Variants in ROBO2 observed in about 807,000 individuals in gnomAD.
The protein encoded by ROBO2 is roundabout guidance receptor 2, also known as roundabout homolog 2.
Under a neutral mutation model 160.8 loss-of-function variants are expected in ROBO2, and 53 were observed. The ratio of observed to expected loss-of-function variants is 0.33; its 90% CI spans 0.26 to 0.41. The LOEUF is 0.41. ROBO2 is among the 10% of genes least tolerant of loss of function. The pLI is 1.00. For synonymous variants in ROBO2, 664 were observed against 611.7 expected (o/e 1.09, Z -1.26); for missense variants, 1,577 against 1,722.4 (o/e 0.92, Z 1.49).
At chr3:77,638,355 C>A (rs1043439489) in intron 24 of ROBO2, among the ~76,000 whole-genome samples, 2 of 152,104 alleles carry the variant, frequency 1.3e-5, no homozygotes, top group African/African-American at 4.8e-5. Flanking sequence ...AGATGTAGGC[C>A]TTTTTAGCAC....
chr3:76,944,980 C>A (rs958247124), intron 2 of ROBO2, among the ~76,000 whole-genome samples: 1 of 151,978 alleles, frequency 6.6e-6, no homozygotes, highest in Non-Finnish European at 1.5e-5. Context: ...ACTCTGCCTC[C>A]CGGGTTCACG....
In ROBO2 at chr3:77,166,115, A is replaced by G. The variant is rs141926657; in HGVS notation, c.388+67775A>G. Among the ~76,000 whole-genome samples the G allele has an allele frequency of 3.4e-3, 524 of 152,222 alleles. 2 individuals are homozygous for G. Among genetic ancestry groups the G allele is most frequent in the South Asian group, 0.011 (53 of 4,816 alleles). Reference sequence around the variant, plus strand: ...TCTACTAAGAATACAAAAATTAGCCAGATGTGGTGGCATGTGCCCGTAGTC... The same window carrying G: ...TCTACTAAGAATACAAAAATTAGCCGGATGTGGTGGCATGTGCCCGTAGTC... On this transcript the variant is annotated intron_variant, in intron 2 of 25. Coordinates refer to ENST00000461745, the Ensembl canonical transcript of ROBO2.
chr3:75,937,011 T>C (rs1037156503), intron 1 of ROBO2, among the ~76,000 whole-genome samples: 4 of 152,088 alleles, frequency 2.6e-5, no homozygotes, highest in African/African-American at 9.6e-5. Context: ...AGAATACCAC[T>C]TAAAACTTGA....
intron 2 of ROBO2, among the ~76,000 whole-genome samples, chr3:76,705,938 A>G (rs9810092): frequency 0.017 from 2,534 of 152,264 alleles, 60 homozygotes; most frequent in African/African-American, 0.056. Flanking sequence ...GGTAAAGTCA[A>G]TGATTCTTTT....
intron 2 of ROBO2, among the ~76,000 whole-genome samples, chr3:76,704,644 C>A (rs1316339451): frequency 6.6e-6 from 1 of 152,068 alleles, no homozygotes; most frequent in East Asian, 1.9e-4. Flanking sequence ...GGATAAGGAA[C>A]CCACTACTGC....
chr3:77,645,429 GTAGT>G (rs1320550341), intron 25 of ROBO2, among the ~76,000 whole-genome samples: 6 of 152,188 alleles, frequency 3.9e-5, no homozygotes, highest in Non-Finnish European at 7.4e-5. Context: ...ACTGGCATAG[GTAGT>G]TAGTACAATT....
intron 2 of ROBO2, among the ~76,000 whole-genome samples, chr3:76,840,075 G>T (rs2068076125): frequency 6.6e-6 from 1 of 151,596 alleles, no homozygotes; most frequent in African/African-American, 2.4e-5. Context: ...TATTTAGTCT[G>T]CCTAAAGGTT....
At chr3:76,874,461 AG>A in intron 2 of ROBO2, among the ~76,000 whole-genome samples, 1 of 152,262 alleles carries the variant, frequency 6.6e-6, no homozygotes, top group Admixed American at 6.5e-5. Flanking sequence ...TCCAGGGATG[AG>A]CTGACATGGT....
Position 76,581,458 on chromosome 3 carries a change from G to A in ROBO2, c.110-516556G>A, listed in dbSNP as rs377193157. On this transcript the variant is annotated intron_variant, in intron 2 of 26. Transcript: ENST00000487694. ...ACCCAAGCACCCTGGGCAACATGGC[G>A]AGATGTTGTCTCTAAACAAAAATAA... 7.9e-5 allele frequency among the ~76,000 whole-genome samples: 12 copies of A among 152,132 alleles called. 1 individual carries two copies. The South Asian group carries it at 1.0e-3, about 13-fold the overall frequency.
intron 2 of ROBO2, among the ~76,000 whole-genome samples, chr3:76,793,576 T>A (rs143879320): frequency 1.3e-5 from 2 of 151,854 alleles, no homozygotes; most frequent in Non-Finnish European, 2.9e-5. Flanking sequence ...AGGAGTAAAA[T>A]CATAATAGTG....
At chr3:77,080,139 A>T (rs2149916378) in intron 1 of ROBO2, among the ~76,000 whole-genome samples, 1 of 152,204 alleles carries the variant, frequency 6.6e-6, no homozygotes, top group Admixed American at 6.5e-5. Context: ...AAGCAGTGTT[A>T]TGCAAATGAA....
chr3:77,006,304 T>TG, intron 2 of ROBO2, among the ~76,000 whole-genome samples: 1 of 129,242 alleles, frequency 7.7e-6, no homozygotes, highest in African/African-American at 3.2e-5. Flanking sequence ...AATTTTAATA[T>TG]TTGTGTGTGT....
chr3:76,231,852 A>G (rs1383655059), intron 2 of ROBO2, among the ~76,000 whole-genome samples: 1 of 152,268 alleles, frequency 6.6e-6, no homozygotes, highest in Admixed American at 6.5e-5. Flanking sequence ...AGAAAAACAG[A>G]TTAATTCTGA....
intron 2 of ROBO2, among the ~76,000 whole-genome samples, chr3:76,587,667 A>G (rs1175926234): frequency 2.6e-5 from 4 of 152,224 alleles, no homozygotes; most frequent in African/African-American, 4.8e-5. Context: ...ACAATTCAAG[A>G]TGAGATTTGG....
intron 2 of ROBO2, among the ~76,000 whole-genome samples, chr3:76,086,783 G>A (rs2069030894): frequency 6.6e-6 from 1 of 152,026 alleles, no homozygotes. Context: ...TATGCTAAGG[G>A]CTTTAATAGA....
At chr3:76,751,030 A>C (rs1338141287) in intron 2 of ROBO2, among the ~76,000 whole-genome samples, 2 of 152,146 alleles carry the variant, frequency 1.3e-5, no homozygotes, top group Non-Finnish European at 2.9e-5. Context: ...GCATCACGCT[A>C]CCTGACTTCA....
chr3:76,837,483 T>C (rs2067805593), intron 2 of ROBO2, among the ~76,000 whole-genome samples: 1 of 151,770 alleles, frequency 6.6e-6, no homozygotes, highest in Non-Finnish European at 1.5e-5. Flanking sequence ...TAATACGGTG[T>C]TCCTATCATT....
chr3:75,985,204 C>T (rs565989661), intron 2 of ROBO2, among the ~76,000 whole-genome samples: 1 of 151,480 alleles, frequency 6.6e-6, no homozygotes, highest in Non-Finnish European at 1.5e-5. Flanking sequence ...CTTTCCTACT[C>T]ATTTTATTAT....
At chr3:77,335,466 C>T (rs2153446889) in intron 2 of ROBO2, among the ~76,000 whole-genome samples, 1 of 152,284 alleles carries the variant, frequency 6.6e-6, no homozygotes, top group African/African-American at 2.4e-5. Context: ...CATCTATAGC[C>T]ATAGCTGTAC....
Sources: gnomAD v4.1 joint callset for allele counts (sites outside exome capture counted in the v4.1 genomes callset) on GRCh38, gnomAD v4.1.1 for gene constraint, MANE v1.5 for transcripts, NCBI Gene and HGNC (gene_info 2026-07-23, HGNC 2026-07-21) for gene names.